PCDH15: variants seen among roughly 807,000 people sequenced by gnomAD.
PCDH15 encodes protocadherin-15.
PCDH15 carries 129 observed loss-of-function variants against 178.5 expected under a neutral mutation model. That is an observed-to-expected ratio of 0.72 (90% CI 0.63 to 0.84). The LOEUF (loss-of-function observed/expected upper bound fraction) is 0.84. PCDH15 is among the 40% of genes least tolerant of loss of function. PCDH15 has a pLI of 0.00. For synonymous variants in PCDH15, 800 were observed against 732.0 expected (o/e 1.09, Z -1.50); for missense variants, 2,230 against 2,099.9 (o/e 1.06, Z -1.21).
chr10:55,127,137 T>G (rs1837922058), intron 2 of PCDH15, among the ~76,000 whole-genome samples: 1 of 152,088 alleles, frequency 6.6e-6, no homozygotes, highest in Non-Finnish European at 1.5e-5. Flanking sequence ...TCGATTATCC[T>G]ATTCCAGTGA....
intron 2 of PCDH15, among the ~76,000 whole-genome samples, chr10:54,588,863 C>T (rs2091688637): frequency 6.6e-6 from 1 of 152,104 alleles, no homozygotes; most frequent in Non-Finnish European, 1.5e-5. Flanking sequence ...CATAAGCCAC[C>T]ACACCTGGAC....
intron 1 of PCDH15, among the ~76,000 whole-genome samples, chr10:54,797,175 C>G (rs903340020): frequency 6.6e-6 from 1 of 151,998 alleles, no homozygotes; most frequent in Non-Finnish European, 1.5e-5. Flanking sequence ...AGGAACTACA[C>G]ATCTGCCATG....
At chr10:55,329,007 G>C (rs1844121734) in intron 2 of PCDH15, among the ~76,000 whole-genome samples, 1 of 145,774 alleles carries the variant, frequency 6.9e-6, no homozygotes, top group African/African-American at 2.5e-5. Context: ...ATTTTCGTGT[G>C]TGTGTGTGTG....
chr10:53,918,713 AAC>A (rs5741702), intron 25 of PCDH15, among the ~76,000 whole-genome samples: 2,133 of 146,914 alleles, frequency 0.015, 27 homozygotes, highest in Middle Eastern at 0.024. Flanking sequence ...CAAATACACA[AAC>A]ACACACACAC....
Position 54,336,631 on chromosome 10 carries a change from A to G in PCDH15, c.595-6925T>C, listed in dbSNP as rs1163348438. 5.9e-5 allele frequency among the ~76,000 whole-genome samples: 9 copies of G among 152,322 alleles called. No individual in the cohort carries two copies. In the East Asian group the frequency reaches 1.4e-3, roughly 23 times the overall value. On this transcript the variant is annotated intron_variant, in intron 6 of 37. Transcript: ENST00000644397. ...CAAGAACTGAGGTTTGGGAACCTCC[A>G]CCTAGATTTCAGAGGATGTATGGAA...
chr10:55,138,673 A>C (rs1315250731), intron 2 of PCDH15, among the ~76,000 whole-genome samples: 1 of 152,134 alleles, frequency 6.6e-6, no homozygotes, highest in Non-Finnish European at 1.5e-5. Context: ...GATTTAAGGT[A>C]TCAAATTTGA....
At chr10:54,796,859 G>A (rs1461490659) in intron 1 of PCDH15, among the ~76,000 whole-genome samples, 2 of 151,894 alleles carry the variant, frequency 1.3e-5, no homozygotes, top group East Asian at 3.9e-4. Flanking sequence ...CCCTTTTCTG[G>A]ATTCCAGTGA....
At chr10:54,363,892 G>A (rs1474676003) in intron 5 of PCDH15, among the ~76,000 whole-genome samples, 2 of 151,944 alleles carry the variant, frequency 1.3e-5, no homozygotes, top group Non-Finnish European at 2.9e-5. Context: ...TTTTTTATTT[G>A]TTGCTGATGT....
At chr10:53,842,130 A>G (rs2077693300) in intron 28 of PCDH15, among the ~76,000 whole-genome samples, 1 of 152,180 alleles carries the variant, frequency 6.6e-6, no homozygotes. Context: ...GACATTTTGT[A>G]GGAGGCACAA....
intron 10 of PCDH15, among the ~76,000 whole-genome samples, chr10:54,200,445 C>T (rs1269665707): frequency 6.6e-6 from 1 of 151,832 alleles, no homozygotes; most frequent in African/African-American, 2.4e-5. Flanking sequence ...TCGACAGGCC[C>T]CGGTGTGTGA....
chr10:53,962,577 G>C (rs1265438788), intron 21 of PCDH15, among the ~76,000 whole-genome samples: 1 of 152,122 alleles, frequency 6.6e-6, no homozygotes, highest in African/African-American at 2.4e-5. Flanking sequence ...ATTGCTAGAT[G>C]CTTACCACTT....
rs776415796 is a variant in PCDH15 at position 54,527,825 on chromosome 10, T to C, written c.144A>G (p.Glu48=). ...AAACTCACTTACCATTCCGACTTTCTTCATCAATAGCAACTATGGTAGCTG... is the reference window on the plus strand; with the variant it reads ...AAACTCACTTACCATTCCGACTTTCCTCATCAATAGCAACTATGGTAGCTG... ...GPPATIVAID[E]ESRNGTILVD... is the part of the protein sequence containing the mutation. The change falls in exon 3 of 38, where the codon GAA becomes GAG. Residue 48 remains glutamate, a synonymous_variant. Coordinates refer to ENST00000644397, the MANE Select transcript of PCDH15 (RefSeq NM_001384140.1). 7 of 1,610,442 alleles carry C rather than the reference T, an allele frequency of 4.3e-6. No individual in the cohort carries two copies. The South Asian group carries it at 6.6e-5, about 15-fold the overall frequency.
intron 27 of PCDH15, among the ~76,000 whole-genome samples, chr10:53,864,517 C>T (rs1458577560): frequency 6.6e-6 from 1 of 152,160 alleles, no homozygotes; most frequent in African/African-American, 2.4e-5. Context: ...TCAATCCACT[C>T]AGGCCTTGGG....
intron 2 of PCDH15, among the ~76,000 whole-genome samples, chr10:55,537,970 G>C (rs2132071342): frequency 6.6e-6 from 1 of 152,226 alleles, no homozygotes; most frequent in Non-Finnish European, 1.5e-5. Context: ...GAGGCCTCAA[G>C]CCTTCACAAT....
intron 2 of PCDH15, among the ~76,000 whole-genome samples, chr10:54,996,825 T>C (rs1839655618): frequency 6.6e-6 from 1 of 152,046 alleles, no homozygotes. Context: ...AAAATCAAAC[T>C]GCTGGCTGGG....
At chr10:54,746,933 T>C (rs1475611841) in intron 1 of PCDH15, among the ~76,000 whole-genome samples, 1 of 152,182 alleles carries the variant, frequency 6.6e-6, no homozygotes, top group Non-Finnish European at 1.5e-5. Flanking sequence ...TTACATTGGG[T>C]TTATCAGAGT....
At chr10:55,360,526 G>A (rs1358139169) in intron 2 of PCDH15, among the ~76,000 whole-genome samples, 1 of 151,838 alleles carries the variant, frequency 6.6e-6, no homozygotes, top group African/African-American at 2.4e-5. Context: ...ACAAAGGCAG[G>A]TAATGCAATA....
intron 3 of PCDH15, among the ~76,000 whole-genome samples, chr10:54,887,119 G>C (rs537249729): frequency 1.3e-5 from 2 of 152,298 alleles, no homozygotes; most frequent in African/African-American, 4.8e-5. Flanking sequence ...CAGATAACTA[G>C]AGTTAAGCAG....
At chr10:55,057,563 T>C (rs1841334796) in intron 2 of PCDH15, among the ~76,000 whole-genome samples, 1 of 152,186 alleles carries the variant, frequency 6.6e-6, no homozygotes, top group Non-Finnish European at 1.5e-5. Context: ...GCTTGAAGAC[T>C]GGCATACAGA....
Sources: gnomAD v4.1 joint callset for allele counts (sites outside exome capture counted in the v4.1 genomes callset) on GRCh38, gnomAD v4.1.1 for gene constraint, MANE v1.5 for transcripts, NCBI Gene and HGNC (gene_info 2026-07-23, HGNC 2026-07-21) for gene names.